FNIP1: variants seen among roughly 807,000 people sequenced by gnomAD.
The protein encoded by FNIP1 is folliculin interacting protein 1, also known as folliculin-interacting protein 1.
FNIP1 carries 40 observed loss-of-function variants against 124.5 expected under a neutral mutation model. The observed-to-expected ratio is 0.32, with a 90% CI of 0.25 to 0.42. The LOEUF (loss-of-function observed/expected upper bound fraction) is 0.42. Among genes scored for constraint, FNIP1 ranks in the 10% least tolerant of loss-of-function variants. FNIP1 has a pLI of 1.00. For missense variants in FNIP1, 1,176 were observed against 1,403.7 expected (o/e 0.84, Z 2.59); for synonymous variants, 472 against 470.6 (o/e 1.00, Z -0.04).
chr5:131,784,007 A>AG (rs1772081339), intron 1 of FNIP1, among the ~76,000 whole-genome samples: 1 of 89,484 alleles, frequency 1.1e-5, no homozygotes, highest in Admixed American at 1.2e-4. Flanking sequence ...TCTGCCCCCA[A>AG]CAAAAAAAAA....
rs541058902 is a variant in FNIP1 at position 131,733,502 on chromosome 5, C to T, written c.220-2464G>A. On this transcript the variant is annotated intron_variant, in intron 2 of 17. Coordinates refer to ENST00000510461, the MANE Select transcript of FNIP1 (RefSeq NM_133372.3). ...GCTCTTATTATTTTGAGATATGTCC[C>T]ATCGATACCTAATTTATTGAGAGTT... Among the ~76,000 whole-genome samples the T allele has an allele frequency of 2.1e-3, 314 of 152,180 alleles. 1 individual carries two copies. The highest frequency in any genetic ancestry group is 7.3e-3 in the African/African-American group (301 of 41,506).
At chr5:131,755,177 T>C (rs1298851696) in intron 1 of FNIP1, among the ~76,000 whole-genome samples, 4 of 152,058 alleles carry the variant, frequency 2.6e-5, no homozygotes, top group African/African-American at 9.7e-5. Flanking sequence ...TCCCAGCACT[T>C]TGGGAGGCCA....
rs556202971 is a variant in FNIP1, at chr5:131,765,574, T to C, written c.93-20884A>G. ...TAAAAAGAAATCAAAACTATTTTAATTCACATTTTAAAGAATATTAAACCC... is the reference window on the plus strand; with the variant it reads ...TAAAAAGAAATCAAAACTATTTTAACTCACATTTTAAAGAATATTAAACCC... On this transcript the variant is annotated intron_variant, in intron 1 of 17. Coordinates refer to ENST00000510461, the MANE Select transcript of FNIP1 (RefSeq NM_133372.3). Among the ~76,000 whole-genome samples the C allele has an allele frequency of 6.3e-4, 96 of 152,360 alleles. 1 individual carries two copies. In the South Asian group the frequency reaches 0.019, roughly 31 times the overall value.
At position 131,657,334 on chromosome 5, in the gene FNIP1, A is replaced by G. The variant is rs73788723; in HGVS notation, c.3109-5335T>C. Among the ~76,000 whole-genome samples the G allele has an allele frequency of 3.8e-3, 583 of 152,260 alleles. 1 individual carries two copies. Among genetic ancestry groups the G allele is most frequent in the African/African-American group, 0.013 (539 of 41,568 alleles). On this transcript the variant is annotated intron_variant, in intron 15 of 17. Coordinates refer to ENST00000510461, the MANE Select transcript of FNIP1 (RefSeq NM_133372.3). Reference sequence around the variant, plus strand: ...TGCTTTATTTCTAAAATCAAGAAGTACCTTGCCAGTAAGTGACTGCCTTTT... The same window carrying G: ...TGCTTTATTTCTAAAATCAAGAAGTGCCTTGCCAGTAAGTGACTGCCTTTT...
intron 1 of FNIP1, among the ~76,000 whole-genome samples, chr5:131,780,465 T>A (rs1012482816): frequency 2.0e-5 from 3 of 152,146 alleles, no homozygotes; most frequent in Non-Finnish European, 2.9e-5. Flanking sequence ...CCACTTTTTT[T>A]ATTTTTATTT....
chr5:131,691,302 G>A (rs1768472627), intron 11 of FNIP1, among the ~76,000 whole-genome samples: 1 of 152,180 alleles, frequency 6.6e-6, no homozygotes, highest in Non-Finnish European at 1.5e-5. Context: ...TGAACTAAAT[G>A]TGAATTCAAC....
At chr5:131,653,052 A>G (rs1767086564) in intron 15 of FNIP1, among the ~76,000 whole-genome samples, 1 of 152,186 alleles carries the variant, frequency 6.6e-6, no homozygotes, top group Non-Finnish European at 1.5e-5. Context: ...AACTATCCCA[A>G]TATGTCAGGC....
At chr5:131,695,837 T>A (rs1195237342) in intron 11 of FNIP1, among the ~76,000 whole-genome samples, 3 of 152,216 alleles carry the variant, frequency 2.0e-5, no homozygotes, top group African/African-American at 4.8e-5. Flanking sequence ...ATTTACCTGC[T>A]TTCAAAAACT....
intron 15 of FNIP1, among the ~76,000 whole-genome samples, chr5:131,665,897 TAC>T (rs1491014349): frequency 6.9e-4 from 90 of 130,376 alleles, no homozygotes; most frequent in African/African-American, 2.9e-3. Context: ...CCTAAAATAA[TAC>T]TTTTTTTTTT....
Position 131,744,727 on chromosome 5 carries a change from G to C in FNIP1, c.93-37C>G, listed in dbSNP as rs1456154104. On this transcript the variant is annotated intron_variant, in intron 1 of 17. Coordinates refer to ENST00000510461, the MANE Select transcript of FNIP1 (RefSeq NM_133372.3). Reference sequence around the variant, plus strand: ...AGTAAGGAAAAGTAAAGATCCATTAGAGTTACATTAATAAATATTCCATAT... The same window carrying C: ...AGTAAGGAAAAGTAAAGATCCATTACAGTTACATTAATAAATATTCCATAT... 1.9e-6 allele frequency: 3 copies of C among 1,549,916 alleles called. No individual in the cohort carries two copies. In the African/African-American group the frequency reaches 4.1e-5, roughly 21 times the overall value.
intron 1 of FNIP1, among the ~76,000 whole-genome samples, chr5:131,781,348 CA>C (rs1317165888): frequency 2.0e-5 from 3 of 152,176 alleles, no homozygotes; most frequent in Non-Finnish European, 2.9e-5. Context: ...TCAGTGTAGA[CA>C]AAACAGCCTA....
chr5:131,783,710 T>C (rs1020599576), intron 1 of FNIP1, among the ~76,000 whole-genome samples: 4 of 152,112 alleles, frequency 2.6e-5, no homozygotes, highest in African/African-American at 9.7e-5. Flanking sequence ...AAAAAGCTTC[T>C]TGGGGGTCAG....
Position 131,781,284 on chromosome 5 carries a change from CAGA to C in FNIP1, c.92+15543_92+15545del, listed in dbSNP as rs776433795. ...TTACAAGGTAAAAAGGCAAATTACC[CAGA>C]AGATCTAGCGAAGATAACTGATGAC... On this transcript the variant is annotated intron_variant, in intron 1 of 17. Transcript: ENST00000510461. 3.9e-5 allele frequency among the ~76,000 whole-genome samples: 6 copies of C among 152,312 alleles called. No individual in the cohort carries two copies. In the East Asian group the frequency reaches 9.6e-4, roughly 24 times the overall value.
chr5:131,709,933 T>C (rs1032421912), intron 7 of FNIP1, among the ~76,000 whole-genome samples: 1 of 152,206 alleles, frequency 6.6e-6, no homozygotes, highest in African/African-American at 2.4e-5. Context: ...CACATTCCAG[T>C]AATTTCCACT....
intron 15 of FNIP1, among the ~76,000 whole-genome samples, chr5:131,653,132 A>C (rs1189976580): frequency 1.3e-5 from 2 of 152,202 alleles, no homozygotes; most frequent in Non-Finnish European, 2.9e-5. Flanking sequence ...TACATGAATT[A>C]GATTTTTCTG....
chr5:131,732,344 T>A (rs1403843458), intron 2 of FNIP1, among the ~76,000 whole-genome samples: 1 of 152,164 alleles, frequency 6.6e-6, no homozygotes, highest in Non-Finnish European at 1.5e-5. Flanking sequence ...AACCAAAAAT[T>A]TAAAGTAAAA....
At chr5:131,708,922 A>G (rs1277369920) in intron 8 of FNIP1, among the ~76,000 whole-genome samples, 2 of 152,136 alleles carry the variant, frequency 1.3e-5, no homozygotes, top group Non-Finnish European at 2.9e-5. Context: ...ACAGTTTCTA[A>G]GCAGTTTTTC....
intron 15 of FNIP1, among the ~76,000 whole-genome samples, chr5:131,661,726 G>A (rs1561642065): frequency 1.3e-5 from 2 of 152,112 alleles, no homozygotes; most frequent in African/African-American, 4.8e-5. Flanking sequence ...GAGCAACATC[G>A]CCAGGGCAGC....
At chr5:131,783,825 T>TAGC (rs997507214) in intron 1 of FNIP1, among the ~76,000 whole-genome samples, 3 of 152,056 alleles carry the variant, frequency 2.0e-5, no homozygotes, top group Non-Finnish European at 4.4e-5. Flanking sequence ...ATTGTGTACT[T>TAGC]AGCAGACTGC....
Sources: allele counts gnomAD v4.1 joint callset (sites outside exome capture counted in the v4.1 genomes callset), GRCh38; gene constraint gnomAD v4.1.1; transcripts MANE v1.5; gene names NCBI Gene and HGNC (gene_info 2026-07-23, HGNC 2026-07-21).